The following PHACTR3 variants were observed in gnomAD, a reference collection of about 807,000 sequenced individuals.
PHACTR3 encodes protein phosphatase 1, regulatory subunit 123.
PHACTR3 carries 16 observed loss-of-function variants against 66.8 expected under a neutral mutation model. The ratio of observed to expected loss-of-function variants is 0.24; its 90% CI spans 0.16 to 0.36. PHACTR3 has a LOEUF of 0.36. Ranked by LOEUF, PHACTR3 falls within the 10% of genes least tolerant of loss-of-function variation. The probability of loss-of-function intolerance (pLI) is 1.00; values close to 1 mark genes in which losing one functional copy is unlikely to be tolerated. For missense variants in PHACTR3, 647 were observed against 719.9 expected, an observed-to-expected ratio of 0.90 and a Z score of 1.16; for synonymous variants, 323 against 292.1, an observed-to-expected ratio of 1.11 and a Z score of -1.08.
upstream of PHACTR3, among the ~76,000 whole-genome samples, chr20:59,602,476 A>G (rs2033508377): frequency 6.6e-6 from 1 of 152,044 alleles, no homozygotes; most frequent in South Asian, 2.1e-4. Flanking sequence ...GAGAAAAGAA[A>G]AAATATGTTT....
At chr20:59,674,428 C>CTCTCTTCTCCTGTTCCTT (rs1368611947) in intron 1 of PHACTR3, among the ~76,000 whole-genome samples, 5 of 148,176 alleles carry the variant, frequency 3.4e-5, no homozygotes, top group African/African-American at 1.3e-4. Flanking sequence ...TTCTCCTGTC[C>CTCTCTTCTCCTGTTCCTT]CCCCTTCTCC....
intron 8 of PHACTR3, among the ~76,000 whole-genome samples, chr20:59,824,759 T>C (rs1245542448): frequency 6.6e-6 from 1 of 152,182 alleles, no homozygotes. Context: ...GGAATGCCCC[T>C]GATTGACAGC....
chr20:59,678,308 G>A (rs189082188), intron 1 of PHACTR3, among the ~76,000 whole-genome samples: 24 of 152,212 alleles, frequency 1.6e-4, no homozygotes, highest in African/African-American at 5.5e-4. Flanking sequence ...TGTTCATATC[G>A]TGGATGCTCA....
rs190316053 is a variant in PHACTR3, at chr20:59,766,523, G to C, written c.542-663G>C. On this transcript the variant is annotated intron_variant, in intron 4 of 12. Coordinates refer to ENST00000371015, the MANE Select transcript of PHACTR3 (RefSeq NM_080672.5). ...TTGAGGGAAAGCTGGGGATGGGCAG[G>C]CTGAGGGGTGGTTGTGAAGGAGGTG... Among the ~76,000 whole-genome samples the C allele has an allele frequency of 4.8e-3, 738 of 152,282 alleles. 4 individuals are homozygous for C. Among genetic ancestry groups the C allele is most frequent in the African/African-American group, 0.017 (700 of 41,548 alleles).
rs115871901 is a variant in PHACTR3, at chr20:59,622,788, G to A, written c.118+17656G>A. The stretch of plus-strand genomic sequence containing the variant: ...TCTGTCCTGGGCTGCTGGGGGAGCC[G>A]GCTCTGGCCAGGACTGATGATTCCT... On this transcript the variant is annotated intron_variant, in intron 1 of 12. Coordinates refer to ENST00000371015, the MANE Select transcript of PHACTR3 (RefSeq NM_080672.5). 6.8e-3 allele frequency among the ~76,000 whole-genome samples: 1,032 copies of A among 151,838 alleles called. 21 individuals are homozygous for A. Among genetic ancestry groups the A allele is most frequent in the African/African-American group, 0.023 (965 of 41,396 alleles).
chr20:59,646,901 G>A (rs1481242855), intron 1 of PHACTR3, among the ~76,000 whole-genome samples: 3 of 152,216 alleles, frequency 2.0e-5, no homozygotes, highest in Admixed American at 6.5e-5. Context: ...AAAGATGCCC[G>A]TGTTGTGGGA....
chr20:59,630,027 C>A (rs1398653413), intron 1 of PHACTR3, among the ~76,000 whole-genome samples: 1 of 152,064 alleles, frequency 6.6e-6, no homozygotes, highest in Non-Finnish European at 1.5e-5. Context: ...GCCCAGCCCA[C>A]GGGCAAGTGT....
At chr20:59,695,228 T>TCATGTCGA (rs1479785324) in intron 1 of PHACTR3, among the ~76,000 whole-genome samples, 47 of 152,180 alleles carry the variant, frequency 3.1e-4, no homozygotes, top group African/African-American at 1.1e-3. Flanking sequence ...CATCCAAATC[T>TCATGTCGA]CATGTCGAAT....
At chr20:59,789,050 C>T (rs974234226) in intron 7 of PHACTR3, among the ~76,000 whole-genome samples, 3 of 152,204 alleles carry the variant, frequency 2.0e-5, no homozygotes, top group Non-Finnish European at 4.4e-5. Flanking sequence ...TAAAATCAAA[C>T]GAGAGACTGG....
chr20:59,651,366 G>A (rs891729657), intron 1 of PHACTR3, among the ~76,000 whole-genome samples: 1 of 152,176 alleles, frequency 6.6e-6, no homozygotes, highest in African/African-American at 2.4e-5. Flanking sequence ...ATAGTTGGTT[G>A]CCAAAATGGC....
At chr20:59,602,225 G>T (rs986289904), upstream of PHACTR3, among the ~76,000 whole-genome samples, 2 of 152,048 alleles carry the variant, frequency 1.3e-5, no homozygotes, top group African/African-American at 4.8e-5. Flanking sequence ...CCCCACCAAT[G>T]CCAGCCAGCG....
chr20:59,590,023 G>A (rs1370831583), intron 1 of PHACTR3, among the ~76,000 whole-genome samples: 1 of 152,226 alleles, frequency 6.6e-6, no homozygotes, highest in African/African-American at 2.4e-5. Context: ...GGGCAGAGAT[G>A]CCCAGAACAT....
chr20:59,767,457 C>T lies in PHACTR3; in HGVS notation c.751+62C>T, dbSNP rs1374270123. 5.3e-6 allele frequency: 8 copies of T among 1,495,918 alleles called. No individual in the cohort carries two copies. The Admixed American group carries it at 1.1e-4, about 20-fold the overall frequency. The allele number at this position is 1,495,918 out of a possible 1,614,324, so 92.7% of individuals were successfully genotyped here. The stretch of plus-strand genomic sequence containing the variant: ...TCTCTGCCCCATCCATCCATCTATC[C>T]TACATTCATCCACCCATCCATCATC... On this transcript the variant is annotated intron_variant, in intron 5 of 12. Transcript: ENST00000371015.
intron 1 of PHACTR3, among the ~76,000 whole-genome samples, chr20:59,637,305 G>A (rs2034932675): frequency 6.6e-6 from 1 of 152,252 alleles, no homozygotes; most frequent in Admixed American, 6.5e-5. Context: ...TCTGGCAGAT[G>A]CCTTTTCCCT....
Position 59,841,428 on chromosome 20 carries a change from GACAGAAAA to G in PHACTR3, c.1482_1489del (p.Arg495SerfsTer6). 1 of 1,613,534 alleles carries G rather than the reference GACAGAAAA, an allele frequency of 6.2e-7. No individual in the cohort carries two copies. The highest frequency in any genetic ancestry group is 8.5e-7 in the Non-Finnish European group (1 of 1,179,630). ...GAGACCCACTGTTGATGAATTAAGAGACAGAAAAATTCTGATACGATTCAGTGATTACG... is the reference window on the plus strand; with the variant it reads ...GAGACCCACTGTTGATGAATTAAGAGATTCTGATACGATTCAGTGATTACG... On this transcript the variant is annotated frameshift_variant, in exon 11 of 13. Coordinates refer to ENST00000371015, the MANE Select transcript of PHACTR3 (RefSeq NM_080672.5). LOFTEE classifies it high-confidence loss of function.
chr20:59,594,585 A>G (rs1600879261), intron 1 of PHACTR3, among the ~76,000 whole-genome samples: 2 of 152,160 alleles, frequency 1.3e-5, no homozygotes, highest in East Asian at 1.9e-4. Context: ...AATTGTTCAG[A>G]GTATTCTGTC....
At chr20:59,734,185 A>G (rs976022387) in intron 1 of PHACTR3, among the ~76,000 whole-genome samples, 1 of 152,208 alleles carries the variant, frequency 6.6e-6, no homozygotes, top group African/African-American at 2.4e-5. Flanking sequence ...CTCAAGTTCC[A>G]GTGCACAGAC....
At chr20:59,744,275 C>A (rs1390823482) in intron 2 of PHACTR3, among the ~76,000 whole-genome samples, 9 of 152,232 alleles carry the variant, frequency 5.9e-5, no homozygotes, top group Non-Finnish European at 1.2e-4. Flanking sequence ...GAGGCTTGGA[C>A]CCTGGCAGCC....
intron 1 of PHACTR3, among the ~76,000 whole-genome samples, chr20:59,578,376 G>A (rs539182955): frequency 6.6e-6 from 1 of 152,218 alleles, no homozygotes; most frequent in African/African-American, 2.4e-5. Context: ...AGCTAGGCCA[G>A]TGTTTCCGCA....
Sources: gnomAD v4.1 joint callset for allele counts (sites outside exome capture counted in the v4.1 genomes callset) on GRCh38, gnomAD v4.1.1 for gene constraint, MANE v1.5 for transcripts, NCBI Gene and HGNC (gene_info 2026-07-23, HGNC 2026-07-21) for gene names.